Variants in ZCCHC14 observed in about 807,000 individuals in gnomAD.
The protein encoded by ZCCHC14 is zinc finger CCHC-type containing 14.
Under a neutral mutation model 85.0 loss-of-function variants are expected in ZCCHC14, and 16 were observed. The observed-to-expected ratio is 0.19, with a 90% confidence interval of 0.13 to 0.29. ZCCHC14 has a LOEUF of 0.29. Ranked by LOEUF, ZCCHC14 falls within the 10% of genes least tolerant of loss-of-function variation. The pLI, the probability that ZCCHC14 is intolerant of heterozygous loss-of-function variation, is 1.00. For missense variants in ZCCHC14, 1,303 were observed against 1,443.5 expected (o/e 0.90, Z 1.58); for synonymous variants, 775 against 630.7 (o/e 1.23, Z -3.43).
chr16:87,481,552 GAAGGGTAAGCGGGA>G (rs1912277879), intron 1 of ZCCHC14, among the ~76,000 whole-genome samples: 11 of 31,176 alleles, frequency 3.5e-4, no homozygotes, highest in African/African-American at 4.2e-4. Flanking sequence ...TGGGGGGGGG[GAAGGGTAAGCGGGA>G]GGGGAAAGGA....
intron 1 of ZCCHC14, among the ~76,000 whole-genome samples, chr16:87,476,796 C>T (rs535156583): frequency 2.1e-3 from 314 of 151,794 alleles, no homozygotes; most frequent in African/African-American, 7.2e-3. Flanking sequence ...ACGGTCATAC[C>T]GCACAAACCC....
chr16:87,431,923 C>G (rs908281653), intron 3 of ZCCHC14, among the ~76,000 whole-genome samples: 4 of 152,212 alleles, frequency 2.6e-5, no homozygotes, highest in Admixed American at 2.0e-4. Flanking sequence ...ACTACCATCA[C>G]AGGCACCAGC....
intron 1 of ZCCHC14, among the ~76,000 whole-genome samples, chr16:87,481,557 GT>G (rs1567544422): frequency 1.8e-5 from 1 of 54,896 alleles, no homozygotes; most frequent in Non-Finnish European, 4.0e-5. Context: ...GGGGGGAAGG[GT>G]AAGCGGGAGG....
intron 2 of ZCCHC14, among the ~76,000 whole-genome samples, chr16:87,444,955 G>A (rs914504476): frequency 1.3e-5 from 2 of 152,144 alleles, no homozygotes; most frequent in African/African-American, 2.4e-5. Context: ...ACATGATCAC[G>A]ATTTGGGGAT....
chr16:87,461,772 G>A (rs1262446260), intron 1 of ZCCHC14, among the ~76,000 whole-genome samples: 1 of 152,240 alleles, frequency 6.6e-6, no homozygotes, highest in Non-Finnish European at 1.5e-5. Context: ...GTATTCCACA[G>A]ACAGCAAGCC....
At chr16:87,464,024 A>C (rs1279704661) in intron 1 of ZCCHC14, among the ~76,000 whole-genome samples, 46 of 152,172 alleles carry the variant, frequency 3.0e-4, no homozygotes, top group Non-Finnish European at 5.9e-5. Flanking sequence ...AGCAGTTCCA[A>C]CTTTGCTGGT....
At chr16:87,421,864 C>T (rs1214647453) in intron 4 of ZCCHC14, among the ~76,000 whole-genome samples, 8 of 152,154 alleles carry the variant, frequency 5.3e-5, no homozygotes, top group Admixed American at 4.6e-4. Context: ...GCATAAATCT[C>T]GCTCTCCTCC....
intron 1 of ZCCHC14, among the ~76,000 whole-genome samples, chr16:87,461,823 C>T (rs1057147945): frequency 6.6e-6 from 1 of 152,220 alleles, no homozygotes; most frequent in Non-Finnish European, 1.5e-5. Flanking sequence ...TCCTCTGATC[C>T]CAGCTCTGTC....
intron 1 of ZCCHC14, among the ~76,000 whole-genome samples, chr16:87,463,059 ACT>A (rs1377424690): frequency 6.6e-6 from 1 of 150,796 alleles, no homozygotes; most frequent in Non-Finnish European, 1.5e-5. Context: ...CGAGAGTGAA[ACT>A]CTGTCTCAAA....
chr16:87,437,747 T>A (rs1909999246), intron 2 of ZCCHC14, among the ~76,000 whole-genome samples: 2 of 152,274 alleles, frequency 1.3e-5, no homozygotes, highest in Non-Finnish European at 2.9e-5. Flanking sequence ...GTCTTACAAG[T>A]TAGATCACAC....
Position 87,420,669 on chromosome 16 carries a change from G to A in ZCCHC14, c.888C>T (p.Cys296=), listed in dbSNP as rs1280607979. 6.2e-7 allele frequency: 1 copy of A among 1,613,912 alleles called. No homozygotes were observed. The highest frequency in any genetic ancestry group is 8.5e-7 in the Non-Finnish European group (1 of 1,179,888). ...CATAAAATGCGTCCGGACCAGCTAA[G>A]CAAGGAATGAGTTTCTCCAAGTTCT... The part of the protein sequence containing the change: ...PEENLEKLIP[C]LAGPDAFYVE... Residue 296 remains cysteine, a synonymous_variant, in exon 5 of 13, where the codon TGC becomes TGT. Transcript: ENST00000671377. The surrounding 1 kb of genome is among the most constrained non-coding windows in gnomAD (Gnocchi z 5.0).
At position 87,492,598 on chromosome 16, in the gene ZCCHC14, CTCG is replaced by C. The variant is rs998922540; in HGVS notation, c.-363_-361del. On this transcript the variant is annotated 5_prime_UTR_variant, in exon 1 of 13. Coordinates refer to ENST00000671377, the MANE Select transcript of ZCCHC14 (RefSeq NM_015144.3). This position sits in a 1 kb window ranked among gnomAD's most constrained non-coding sequence, Gnocchi z 6.7. ...TGCGCGGCGGCGGCGGCGGCTGCTC[CTCG>C]TCGTCGTCGTCGTCGTCGCCCGGGA... is the stretch of plus-strand genomic sequence containing the variant. 6.5e-4 allele frequency: 96 copies of C among 147,106 alleles called. 1 individual carries two copies. The highest frequency in any genetic ancestry group is 3.8e-3 in the East Asian group (19 of 5,058). The allele number at this position is 147,106 out of a possible 1,614,324, so 9.1% of individuals were successfully genotyped here. A position where few individuals can be genotyped will look rare whatever the true frequency, so the allele number is the denominator to read the frequency against.
At chr16:87,469,802 C>T (rs1005968138) in intron 1 of ZCCHC14, among the ~76,000 whole-genome samples, 2 of 152,162 alleles carry the variant, frequency 1.3e-5, no homozygotes, top group Non-Finnish European at 2.9e-5. Context: ...CTGCTGCACC[C>T]CTGTGGGCAG....
chr16:87,460,225 G>A, intron 1 of ZCCHC14, 94 bp from the exon 2 acceptor site: 1 of 1,477,526 alleles, frequency 6.8e-7, no homozygotes, highest in Non-Finnish European at 9.1e-7. Flanking sequence ...AATTACCTTG[G>A]TTTCCATTTT....
At chr16:87,444,716 A>G (rs781178888) in intron 2 of ZCCHC14, among the ~76,000 whole-genome samples, 2 of 152,166 alleles carry the variant, frequency 1.3e-5, no homozygotes, top group Admixed American at 6.5e-5. Flanking sequence ...GTGGTTCATA[A>G]TCTTCTAAAG....
rs1046941732 is a variant in ZCCHC14 at position 87,454,987 on chromosome 16, G to A, written c.694+5021C>T. ...CATCAGCCACCAATGCAACATCAGCGGGCTTTAAAAAATCCTGGAGGCCGA... is the reference window on the plus strand; with the variant it reads ...CATCAGCCACCAATGCAACATCAGCAGGCTTTAAAAAATCCTGGAGGCCGA... On this transcript the variant is annotated intron_variant, in intron 2 of 12. Transcript: ENST00000671377. Among the ~76,000 whole-genome samples, 10 of 152,134 alleles carry A rather than the reference G, an allele frequency of 6.6e-5. No homozygotes were observed. The South Asian group carries it at 1.0e-3, about 16-fold the overall frequency.
chr16:87,459,442 T>G, intron 2 of ZCCHC14, among the ~76,000 whole-genome samples: 1 of 151,584 alleles, frequency 6.6e-6, no homozygotes, highest in African/African-American at 2.4e-5. Context: ...CCTCCTGGGT[T>G]CAAGCAATTC....
chr16:87,468,836 C>CGCA (rs1300786657), intron 1 of ZCCHC14, among the ~76,000 whole-genome samples: 1 of 152,154 alleles, frequency 6.6e-6, no homozygotes, highest in Non-Finnish European at 1.5e-5. Context: ...AGTACCTGCC[C>CGCA]GCAGGCCTCA....
rs531755975 is a variant in ZCCHC14, at chr16:87,411,559, G to A, written c.3162C>T (p.Arg1054=). ...SCYNCGATGH[R]AQDCKQPSMD... ...TGGACGGCTGTTTGCAGTCCTGGGCGCGGTGACCAGTGGCCCCGCAGTTGT... is the reference window on the plus strand; with the variant it reads ...TGGACGGCTGTTTGCAGTCCTGGGCACGGTGACCAGTGGCCCCGCAGTTGT... The change falls in exon 12 of 13, where the codon CGC becomes CGT. Residue 1054 remains arginine, a synonymous_variant. Transcript: ENST00000671377. 1.1e-4 allele frequency: 176 copies of A among 1,613,574 alleles called. No individual in the cohort carries two copies. The highest frequency in any genetic ancestry group is 1.6e-4 in the African/African-American group (12 of 74,936).
Sources: allele counts gnomAD v4.1 joint callset (sites outside exome capture counted in the v4.1 genomes callset), GRCh38; gene constraint gnomAD v4.1.1; non-coding constraint Gnocchi (gnomAD v3.1); transcripts MANE v1.5; gene names NCBI Gene and HGNC (gene_info 2026-07-23, HGNC 2026-07-21).